SLC17A3: variants seen among roughly 807,000 people sequenced by gnomAD.
SLC17A3 encodes sodium-dependent phosphate transport protein 4.
In SLC17A3, 61 loss-of-function variants were observed where a neutral mutation model predicts 60.3. The observed-to-expected ratio is 1.01, with a 90% CI of 0.82 to 1.25. SLC17A3 has a LOEUF of 1.25. Among genes scored for constraint, SLC17A3 ranks in the 50% most tolerant of loss-of-function variants. The pLI, the probability that SLC17A3 is intolerant of heterozygous loss-of-function variation, is 0.00. For synonymous variants in SLC17A3, 192 were observed against 208.9 expected (o/e 0.92, Z 0.70); for missense variants, 624 against 594.9 (o/e 1.05, Z -0.51).
chr6:25,861,960 G>C lies in SLC17A3; in HGVS notation c.373C>G (p.Leu125Val), dbSNP rs1400780544. The C allele has an allele frequency of 1.9e-6, 3 of 1,612,392 alleles. No individual in the cohort carries two copies. Among genetic ancestry groups the C allele is most frequent in the Non-Finnish European group, 2.5e-6 (3 of 1,179,278 alleles). ...AGGTATCCACTGGGAGCCATTGTCA[G>C]TATGCCACCATAGCCAACAGCACCA... ...IFGAVGYGGILTMAPSGYLAG... is the reference protein window; with the variant it reads ...IFGAVGYGGIVTMAPSGYLAG... Residue 125 changes from leucine (L) to valine (V), a missense_variant, in exon 4 of 13, where the codon CTG becomes GTG. Leu to Val is a conservative substitution (Grantham distance 32). Transcript: ENST00000397060.
At chr6:25,860,577 G>C (rs1765430422) in intron 5 of SLC17A3, among the ~76,000 whole-genome samples, 1 of 152,032 alleles carries the variant, frequency 6.6e-6, no homozygotes, top group Non-Finnish European at 1.5e-5. Context: ...CTCTAAACTA[G>C]GTTTGGAGGC....
rs1418469575 is a variant in SLC17A3 at position 25,861,901 on chromosome 6, GC to G, written c.431del (p.Gly144AlafsTer22). 3.7e-6 allele frequency: 6 copies of G among 1,612,752 alleles called. No individual in the cohort carries two copies. Among genetic ancestry groups the G allele is most frequent in the Non-Finnish European group, 5.1e-6 (6 of 1,179,388 alleles). On this transcript the variant is annotated frameshift_variant, in exon 4 of 13. Transcript: ENST00000397060. LOFTEE classifies it high-confidence loss of function. ...AGRVGTKRVV[G>X]ISLFATSFLT... ...GAAATGAAGTTGCAAACAAAGAAAT[GC>G]CAACCACTCGCTTTGTTCCTACTCT... is the stretch of plus-strand genomic sequence containing the variant.
At position 25,845,122 on chromosome 6, in the gene SLC17A3, A is replaced by G; in HGVS notation, c.*179T>C. 1 of 422,812 alleles carries G rather than the reference A, an allele frequency of 2.4e-6. No homozygotes were observed. The highest frequency in any genetic ancestry group is 4.3e-6 in the Non-Finnish European group (1 of 230,298). 26.2% of individuals were successfully genotyped at this position (422,812 alleles called of 1,614,324 possible). On this transcript the variant is annotated 3_prime_UTR_variant, in exon 13 of 13. Transcript: ENST00000397060. ...GCATTCTTAGTTATCATTTTATTTG[A>G]ATTTTTATTCATCTTACATTTCTCT...
At chr6:25,871,170 C>A (rs1765634338) in intron 1 of SLC17A3, among the ~76,000 whole-genome samples, 1 of 152,070 alleles carries the variant, frequency 6.6e-6, no homozygotes. Context: ...AAACATGCTG[C>A]TATAAAGACA....
chr6:25,850,159 G>T lies in SLC17A3; in HGVS notation c.1012C>A (p.Leu338Ile), dbSNP rs1422234142. The T allele has an allele frequency of 3.2e-5, 51 of 1,613,614 alleles. No homozygotes were observed. Among genetic ancestry groups the T allele is most frequent in the Non-Finnish European group, 4.2e-5 (50 of 1,179,672 alleles). Reference protein sequence around the residue: ...NIRDNGLLSALPFIVAWVIGM... With the variant: ...NIRDNGLLSAIPFIVAWVIGM... ...ATGACCCAGGCAACAATAAAAGGAA[G>T]GGCAGATAGAAGTCCATTCTAAAGA... Residue 338 changes from leucine (L) to isoleucine (I), a missense_variant, in exon 9 of 13, where the codon CTT (leucine) becomes ATT (isoleucine). Leu to Ile is a conservative substitution (Grantham distance 5, BLOSUM62 2). Coordinates refer to ENST00000397060, the MANE Select transcript of SLC17A3 (RefSeq NM_001098486.2).
At chr6:25,869,605 G>T (rs2151528267) in intron 1 of SLC17A3, among the ~76,000 whole-genome samples, 1 of 152,078 alleles carries the variant, frequency 6.6e-6, no homozygotes, top group South Asian at 2.1e-4. Context: ...CACACTCATG[G>T]CAAAAGGCGA....
rs114078361 is a variant in SLC17A3, at chr6:25,852,611, T to C, written c.713-1734A>G. 5.4e-3 allele frequency among the ~76,000 whole-genome samples: 820 copies of C among 152,260 alleles called. 9 individuals carry two copies. Among genetic ancestry groups the C allele is most frequent in the African/African-American group, 0.016 (669 of 41,556 alleles). Reference sequence around the variant, plus strand: ...TGTATCTAATCTGTCATTAACTCCATTCAGTGCATTTTTCATCTCAGATAC... The same window carrying C: ...TGTATCTAATCTGTCATTAACTCCACTCAGTGCATTTTTCATCTCAGATAC... On this transcript the variant is annotated intron_variant, in intron 6 of 12. Transcript: ENST00000397060.
rs542753319 is a variant in SLC17A3, at chr6:25,857,232, T to G, written c.626-2002A>C. Among the ~76,000 whole-genome samples, 4 of 152,252 alleles carry G rather than the reference T, an allele frequency of 2.6e-5. No homozygotes were observed. In the East Asian group the frequency reaches 7.7e-4, roughly 29 times the overall value. On this transcript the variant is annotated intron_variant, in intron 5 of 12. Transcript: ENST00000397060. ...GTAAATAATAAAGAGTATCCCATTT[T>G]AATTTCCTTTTTCATAGTAAAGTTG...
At position 25,850,613 on chromosome 6, in the gene SLC17A3, G is replaced by C; in HGVS notation, c.839C>G (p.Ser280Cys). The C allele has an allele frequency of 6.2e-7, 1 of 1,613,952 alleles. No individual in the cohort carries two copies. The highest frequency in any genetic ancestry group is 8.5e-7 in the Non-Finnish European group (1 of 1,179,906). The change falls in exon 8 of 13, where the codon TCT becomes TGT. Residue 280 changes from serine (S) to cysteine (C), a missense_variant. Ser to Cys is a moderately radical substitution (Grantham distance 112, BLOSUM62 -1). Coordinates refer to ENST00000397060, the MANE Select transcript of SLC17A3 (RefSeq NM_001098486.2). Reference protein sequence around the residue: ...IISSLKQQVGSSKQPLPIKAM... With the variant: ...IISSLKQQVGCSKQPLPIKAM... ...TTTGATGGGAAGAGGCTGCTTAGAAGACCCGACCTGAAAACAAATTTACTG... is the reference window on the plus strand; with the variant it reads ...TTTGATGGGAAGAGGCTGCTTAGAACACCCGACCTGAAAACAAATTTACTG...
chr6:25,857,667 C>T (rs1198169045), intron 5 of SLC17A3, among the ~76,000 whole-genome samples: 1 of 152,004 alleles, frequency 6.6e-6, no homozygotes, highest in Non-Finnish European at 1.5e-5. Context: ...AATAACTTGC[C>T]AAAGGTCACA....
At position 25,862,450 on chromosome 6, in the gene SLC17A3, A is replaced by G. The variant is rs1169433845; in HGVS notation, c.92-6T>C. On this transcript the variant is annotated splice_polypyrimidine_tract_variant and splice_region_variant and intron_variant, in intron 2 of 12. Coordinates refer to ENST00000397060, the MANE Select transcript of SLC17A3 (RefSeq NM_001098486.2). ...AGCAGAACATAAACTTGGAACTGGA[A>G]ATATTATGACATCATATTAGTGTTT... 6.2e-7 allele frequency: 1 copy of G among 1,606,904 alleles called. No individual in the cohort carries two copies. The highest frequency in any genetic ancestry group is 1.7e-5 in the Admixed American group (1 of 59,978).
At position 25,868,365 on chromosome 6, in the gene SLC17A3, C is replaced by T. The variant is rs750509361; in HGVS notation, c.23G>A (p.Ser8Asn). ...GTTCTTGCTCTCCCTTGCTGTGGGA[C>T]TCAACTCTGTCTTGGTGGCCATTGT... MATKTELSPTARESKNAQ... is the reference protein window; with the variant it reads MATKTELNPTARESKNAQ... The change falls in exon 2 of 13, where the codon AGT becomes AAT. Residue 8 changes from serine (S) to asparagine (N), a missense_variant. By Grantham distance (46) the Ser-to-Asn change is conservative (BLOSUM62 1). Coordinates refer to ENST00000397060, the MANE Select transcript of SLC17A3 (RefSeq NM_001098486.2). 6.2e-7 allele frequency: 1 copy of T among 1,612,008 alleles called. No homozygotes were observed. Among genetic ancestry groups the T allele is most frequent in the East Asian group, 2.2e-5 (1 of 44,822 alleles).
chr6:25,869,111 G>A (rs1468630059), intron 1 of SLC17A3, among the ~76,000 whole-genome samples: 1 of 151,978 alleles, frequency 6.6e-6, no homozygotes, highest in African/African-American at 2.4e-5. Flanking sequence ...TGATGTGTCT[G>A]TAGAGTTCTA....
chr6:25,847,410 T>C (rs1202288121), intron 11 of SLC17A3, among the ~76,000 whole-genome samples: 1 of 152,200 alleles, frequency 6.6e-6, no homozygotes, highest in Non-Finnish European at 1.5e-5. Context: ...TAATTTACAT[T>C]CTTTTGGGTA....
chr6:25,848,966 G>A (rs1394344169), intron 11 of SLC17A3, among the ~76,000 whole-genome samples: 2 of 152,144 alleles, frequency 1.3e-5, no homozygotes, highest in African/African-American at 4.8e-5. Context: ...AGAAGAACGT[G>A]TATGTCTTCT....
chr6:25,873,056 C>T (rs906815313), intron 1 of SLC17A3, among the ~76,000 whole-genome samples: 9 of 152,012 alleles, frequency 5.9e-5, no homozygotes, highest in African/African-American at 2.2e-4. Flanking sequence ...AAGCTGGATT[C>T]AAGCTCTGCT....
chr6:25,862,457 T>G lies in SLC17A3; in HGVS notation c.92-13A>C. The G allele has an allele frequency of 6.3e-7, 1 of 1,594,540 alleles. No individual in the cohort carries two copies. Among genetic ancestry groups the G allele is most frequent in the Non-Finnish European group, 8.6e-7 (1 of 1,162,308 alleles). On this transcript the variant is annotated splice_polypyrimidine_tract_variant and intron_variant, in intron 2 of 12. Coordinates refer to ENST00000397060, the MANE Select transcript of SLC17A3 (RefSeq NM_001098486.2). ...CATAAACTTGGAACTGGAAATATTA[T>G]GACATCATATTAGTGTTTTTTAAAA...
At chr6:25,856,927 T>A (rs182386540) in intron 5 of SLC17A3, among the ~76,000 whole-genome samples, 1 of 151,744 alleles carries the variant, frequency 6.6e-6, no homozygotes, top group Non-Finnish European at 1.5e-5. Flanking sequence ...CTGATGCCTG[T>A]AATCCCAGCA....
intron 11 of SLC17A3, among the ~76,000 whole-genome samples, chr6:25,847,423 T>TGG: frequency 1.3e-5 from 2 of 152,334 alleles, no homozygotes; most frequent in African/African-American, 4.8e-5. Context: ...TTTGGGTATA[T>TGG]ACCCAGTAAT....
Sources: allele counts gnomAD v4.1 joint callset (sites outside exome capture counted in the v4.1 genomes callset), GRCh38; gene constraint gnomAD v4.1.1; transcripts MANE v1.5; gene names NCBI Gene and HGNC (gene_info 2026-07-23, HGNC 2026-07-21).